Variants in CEP126 observed in about 807,000 individuals in gnomAD.
CEP126 encodes centrosomal protein 126.
Under a neutral mutation model 107.8 loss-of-function variants are expected in CEP126, and 74 were observed. The observed-to-expected ratio is 0.69, with a 90% CI of 0.57 to 0.83. The LOEUF is 0.83. CEP126 is among the 40% of genes least tolerant of loss of function. The pLI is 0.00. For missense variants in CEP126, 1,237 were observed against 1,281.9 expected (o/e 0.96, Z 0.53); for synonymous variants, 449 against 446.0 (o/e 1.01, Z -0.08).
chr11:101,938,153 C>CT (rs1475986475), intron 2 of CEP126, among the ~76,000 whole-genome samples: 1 of 49,388 alleles, frequency 2.0e-5, no homozygotes, highest in Non-Finnish European at 4.5e-5. Flanking sequence ...GAGCGAGACT[C>CT]TGTCTCAAAA....
chr11:101,972,154 G>A (rs529485673), intron 6 of CEP126, among the ~76,000 whole-genome samples: 5 of 152,150 alleles, frequency 3.3e-5, no homozygotes, highest in African/African-American at 7.2e-5. Context: ...ATTGCCGGGC[G>A]TGGTGGGTCA....
At chr11:101,975,335 G>A (rs1425705742) in intron 6 of CEP126, among the ~76,000 whole-genome samples, 4 of 152,126 alleles carry the variant, frequency 2.6e-5, no homozygotes, top group Non-Finnish European at 4.4e-5. Flanking sequence ...GGTATCATAC[G>A]TTGTGAGGAT....
At position 101,948,140 on chromosome 11, in the gene CEP126, G is replaced by C; in HGVS notation, c.504G>C (p.Trp168Cys). 1.3e-6 allele frequency: 2 copies of C among 1,544,962 alleles called. No homozygotes were observed. Among genetic ancestry groups the C allele is most frequent in the Non-Finnish European group, 1.8e-6 (2 of 1,119,494 alleles). The part of the protein sequence containing the change: ...LPFSRRPTIN[W>C]RAIDSALPSA... ...TTTCCCGTAGACCAACAATAAACTG[G>C]AGGTAAGTAATTTATGATCATTGTA... The change falls in exon 4 of 11, where the codon TGG (tryptophan) becomes TGC (cysteine). Residue 168 changes from tryptophan to cysteine, a missense_variant and splice_region_variant. Physicochemically the swap from Trp to Cys is radical, Grantham distance 215. Transcript: ENST00000263468.
chr11:101,917,011 T>C (rs992997551), intron 1 of CEP126, among the ~76,000 whole-genome samples: 3 of 147,698 alleles, frequency 2.0e-5, no homozygotes, highest in Admixed American at 6.8e-5. Context: ...ACCAATAGAC[T>C]TTGATAAAAT....
chr11:101,943,721 A>G (rs1940698218), intron 2 of CEP126, among the ~76,000 whole-genome samples: 1 of 152,090 alleles, frequency 6.6e-6, no homozygotes, highest in Non-Finnish European at 1.5e-5. Flanking sequence ...ATGTGTGATT[A>G]AGAATCCAGA....
intron 2 of CEP126, among the ~76,000 whole-genome samples, chr11:101,934,682 G>C (rs1940550093): frequency 6.6e-6 from 1 of 151,950 alleles, no homozygotes; most frequent in Non-Finnish European, 1.5e-5. Flanking sequence ...TTTTCATGTT[G>C]AGATTCATCC....
chr11:101,966,085 A>G (rs1448301586), intron 6 of CEP126, among the ~76,000 whole-genome samples: 1 of 152,130 alleles, frequency 6.6e-6, no homozygotes, highest in Admixed American at 6.5e-5. Context: ...TAGTCAAAGG[A>G]GGTAGTTCTC....
intron 1 of CEP126, among the ~76,000 whole-genome samples, chr11:101,917,070 G>GTA (rs1940231415): frequency 7.0e-6 from 1 of 143,000 alleles, no homozygotes; most frequent in Admixed American, 7.3e-5. Flanking sequence ...GTGTGTGTGT[G>GTA]TGTGTGCTGG....
chr11:101,938,171 A>AAAAAAAAAG (rs1307777067), intron 2 of CEP126, among the ~76,000 whole-genome samples: 1 of 144,522 alleles, frequency 6.9e-6, no homozygotes, highest in Non-Finnish European at 1.5e-5. Context: ...AAAAAAAAAA[A>AAAAAAAAAG]AAAAATACAA....
In CEP126 at chr11:101,962,370, A is replaced by G. The variant is rs370944091; in HGVS notation, c.1335A>G (p.Gln445=). 9.3e-6 allele frequency: 15 copies of G among 1,613,736 alleles called. No individual in the cohort carries two copies. Among genetic ancestry groups the G allele is most frequent in the African/African-American group, 1.3e-5 (1 of 74,940 alleles). The change falls in exon 6 of 11, where the codon CAA becomes CAG. Residue 445 remains glutamine, a synonymous_variant. Transcript: ENST00000263468. ...AAGAGAAATATTCTGAATTAAATCA[A>G]GAAAATGGAACTACTTCAATTCCTA... The part of the protein sequence containing the change: ...PDQEKYSELN[Q]ENGTTSIPTS...
At chr11:101,930,698 A>G (rs1279569766) in intron 2 of CEP126, among the ~76,000 whole-genome samples, 1 of 152,194 alleles carries the variant, frequency 6.6e-6, no homozygotes, top group East Asian at 1.9e-4. Context: ...CAGAGTGCTG[A>G]TTGGTCCATT....
intron 2 of CEP126, among the ~76,000 whole-genome samples, chr11:101,931,431 CAT>C (rs1335930994): frequency 9.2e-5 from 14 of 152,158 alleles, no homozygotes; most frequent in Admixed American, 3.3e-4. Flanking sequence ...ATCTGGGACA[CAT>C]GTTTCTTTGA....
chr11:101,956,943 G>GTT, intron 4 of CEP126: 2 of 336,312 alleles, frequency 5.9e-6, no homozygotes, highest in Non-Finnish European at 5.8e-6. Context: ...CAACTTTAAA[G>GTT]GTAAATAAAT....
intron 4 of CEP126, among the ~76,000 whole-genome samples, chr11:101,951,482 G>C (rs1470897946): frequency 6.6e-6 from 1 of 152,018 alleles, no homozygotes; most frequent in Admixed American, 6.6e-5. Flanking sequence ...CTGCACTCCA[G>C]CCTAGGTAAC....
Position 101,962,093 on chromosome 11 carries a change from T to G in CEP126, c.1058T>G (p.Leu353Trp). Residue 353 changes from leucine to tryptophan, a missense_variant, in exon 6 of 11, where the codon TTG becomes TGG. Physicochemically the swap from Leu to Trp is moderately conservative, Grantham distance 61. Around this residue, in one of 3 missense-constraint regions of CEP126, gnomAD observed 1,134 missense variants for 1,150.5 expected, o/e 0.99. Coordinates refer to ENST00000263468, the MANE Select transcript of CEP126 (RefSeq NM_020802.4). ...FNSKEQNPSP[L>W]NGTVERATNT... The stretch of plus-strand genomic sequence containing the variant: ...AGTAAAGAACAAAATCCATCTCCTT[T>G]GAATGGAACAGTGGAAAGAGCCACA... The G allele has an allele frequency of 1.2e-6, 2 of 1,612,398 alleles. No individual in the cohort carries two copies.
At chr11:101,968,162 T>C (rs562999245) in intron 6 of CEP126, among the ~76,000 whole-genome samples, 1 of 152,268 alleles carries the variant, frequency 6.6e-6, no homozygotes, top group East Asian at 1.9e-4. Context: ...GAGACTTTTT[T>C]AGCGGGAGAT....
chr11:101,961,602 A>G (rs1353562327), intron 5 of CEP126, 139 bp from the exon 6 acceptor site: 5 of 505,582 alleles, frequency 9.9e-6, no homozygotes, highest in Non-Finnish European at 1.7e-5. Flanking sequence ...GATAAGAATT[A>G]TTTATATACC....
chr11:101,995,613 A>G (rs1247645108), intron 10 of CEP126, among the ~76,000 whole-genome samples: 1 of 152,150 alleles, frequency 6.6e-6, no homozygotes, highest in Admixed American at 6.5e-5. Context: ...GCCTGCACTG[A>G]TGAGGAAAGC....
At chr11:101,984,695 G>A (rs1941295988) in intron 8 of CEP126, among the ~76,000 whole-genome samples, 1 of 152,174 alleles carries the variant, frequency 6.6e-6, no homozygotes, top group East Asian at 1.9e-4. Context: ...AAATCAAAGA[G>A]AGGCTTATAG....
Sources: gnomAD v4.1 joint callset for allele counts (sites outside exome capture counted in the v4.1 genomes callset) on GRCh38, gnomAD v4.1.1 for gene constraint, gnomAD v4.1.1 regional missense constraint, MANE v1.5 for transcripts, NCBI Gene and HGNC (gene_info 2026-07-23, HGNC 2026-07-21) for gene names.